The following DTNBP1 variants were observed in gnomAD, a reference collection of about 807,000 sequenced individuals.
DTNBP1 encodes dysbindin.
A neutral mutation model predicts 42.8 loss-of-function variants in DTNBP1; 35 were observed. The observed-to-expected ratio is 0.82, with a 90% CI of 0.63 to 1.09. The LOEUF (loss-of-function observed/expected upper bound fraction) is 1.09. Ranked by LOEUF, DTNBP1 falls within the 50% of genes least tolerant of loss-of-function variation. The probability of loss-of-function intolerance (pLI) is 0.00; values close to 1 mark genes in which losing one functional copy is unlikely to be tolerated. For synonymous variants in DTNBP1, 171 were observed against 162.2 expected (o/e 1.05, Z -0.41); for missense variants, 457 against 424.2 (o/e 1.08, Z -0.68).
intron 7 of DTNBP1, among the ~76,000 whole-genome samples, chr6:15,552,948 A>G (rs1774295071): frequency 6.6e-6 from 1 of 152,238 alleles, no homozygotes; most frequent in Non-Finnish European, 1.5e-5. Flanking sequence ...AATAAGAGTA[A>G]GAGGGTATAA....
chr6:15,589,024 C>T (rs535219848), intron 7 of DTNBP1, among the ~76,000 whole-genome samples: 56 of 152,344 alleles, frequency 3.7e-4, no homozygotes, highest in Middle Eastern at 3.4e-3. Flanking sequence ...CATCATCCAA[C>T]CTGAGTCACT....
At position 15,633,011 on chromosome 6, in the gene DTNBP1, T is replaced by C. The variant is rs902088962; in HGVS notation, c.222+4733A>G. ...CATTTTAAAACAACGTGTGAGTAGA[T>C]TCTCGAATTGCATTTCAAATACAAT... On this transcript the variant is annotated intron_variant, in intron 4 of 9. Transcript: ENST00000344537. Among the ~76,000 whole-genome samples, 6 of 152,218 alleles carry C rather than the reference T, an allele frequency of 3.9e-5. No homozygotes were observed. The East Asian group carries it at 1.2e-3, about 29-fold the overall frequency.
intron 8 of DTNBP1, among the ~76,000 whole-genome samples, chr6:15,532,498 G>A (rs1271409112): frequency 6.6e-6 from 1 of 150,862 alleles, no homozygotes; most frequent in African/African-American, 2.5e-5. Context: ...GTAACATGAA[G>A]AAAAGTTAGA....
chr6:15,533,494 T>A, intron 7 of DTNBP1, 99 bp from the exon 8 acceptor site: 3 of 1,585,526 alleles, frequency 1.9e-6, no homozygotes, highest in Non-Finnish European at 2.6e-6. Flanking sequence ...GTGGATGGAG[T>A]CATGCCGCGT....
chr6:15,530,113 C>G (rs186160479), intron 8 of DTNBP1, among the ~76,000 whole-genome samples: 1 of 152,390 alleles, frequency 6.6e-6, no homozygotes, highest in East Asian at 1.9e-4. Context: ...ACTGCTATTT[C>G]TGATTTAGTG....
intron 3 of DTNBP1, among the ~76,000 whole-genome samples, chr6:15,638,798 A>G (rs866525027): frequency 2.0e-4 from 30 of 152,036 alleles, no homozygotes; most frequent in Middle Eastern, 6.8e-3. Flanking sequence ...AAATAGAAAA[A>G]TCCAAATTCA....
At chr6:15,578,017 C>G (rs545237371) in intron 7 of DTNBP1, among the ~76,000 whole-genome samples, 1 of 152,284 alleles carries the variant, frequency 6.6e-6, no homozygotes, top group Admixed American at 6.5e-5. Context: ...GTGGACAGTA[C>G]GAACAACTGC....
chr6:15,624,602 C>T (rs1759232056), intron 5 of DTNBP1, among the ~76,000 whole-genome samples: 1 of 152,084 alleles, frequency 6.6e-6, no homozygotes, highest in Admixed American at 6.6e-5. Flanking sequence ...GTGAAGCAGC[C>T]TGGAAAATGG....
intron 5 of DTNBP1, among the ~76,000 whole-genome samples, chr6:15,626,866 C>T (rs751098473): frequency 1.5e-4 from 23 of 152,114 alleles, no homozygotes; most frequent in Non-Finnish European, 1.8e-4. Flanking sequence ...ACTGCAGGCA[C>T]GTGCCACCAC....
At chr6:15,574,931 T>C (rs370601144) in intron 7 of DTNBP1, among the ~76,000 whole-genome samples, 3 of 152,346 alleles carry the variant, frequency 2.0e-5, no homozygotes, top group African/African-American at 7.2e-5. Context: ...GTACTAATTT[T>C]TTCTGAACAG....
intron 5 of DTNBP1, among the ~76,000 whole-genome samples, chr6:15,618,820 C>T (rs969731915): frequency 2.0e-5 from 3 of 152,120 alleles, no homozygotes; most frequent in African/African-American, 7.2e-5. Flanking sequence ...GATATGAATT[C>T]AACCTAAGCA....
chr6:15,662,970 C>T lies in DTNBP1; in HGVS notation c.-101G>A. On this transcript the variant is annotated 5_prime_UTR_variant, in exon 1 of 10. Coordinates refer to ENST00000344537, the MANE Select transcript of DTNBP1 (RefSeq NM_032122.5). ...CAACCCCGCGCTGTCACCGCGCGCC[C>T]CGCACTCCCACTACCGGCCCCGCCC... 1 of 1,523,956 alleles carries T rather than the reference C, an allele frequency of 6.6e-7. No individual in the cohort carries two copies. The highest frequency in any genetic ancestry group is 9.0e-7 in the Non-Finnish European group (1 of 1,116,888). 94.4% of individuals were successfully genotyped at this position (1,523,956 alleles called of 1,614,324 possible). A position where few individuals can be genotyped will look rare whatever the true frequency, so the allele number is the denominator to read the frequency against.
chr6:15,638,652 G>C (rs1443577828), intron 3 of DTNBP1, among the ~76,000 whole-genome samples: 1 of 152,132 alleles, frequency 6.6e-6, no homozygotes, highest in African/African-American at 2.4e-5. Flanking sequence ...CCTTAATAAA[G>C]TGATCAAAAT....
chr6:15,592,362 C>T (rs192260418), intron 7 of DTNBP1, among the ~76,000 whole-genome samples: 5 of 152,134 alleles, frequency 3.3e-5, no homozygotes, highest in Admixed American at 6.5e-5. Context: ...TACTTAATTG[C>T]TCATGAGTAA....
chr6:15,524,013 G>C, intron 9 of DTNBP1: 1 of 1,289,164 alleles, frequency 7.8e-7, no homozygotes, highest in Non-Finnish European at 1.0e-6. Context: ...GCCCATATTT[G>C]CTGCATGAAT....
At chr6:15,570,806 A>G (rs541236171) in intron 7 of DTNBP1, among the ~76,000 whole-genome samples, 1 of 152,374 alleles carries the variant, frequency 6.6e-6, no homozygotes, top group African/African-American at 2.4e-5. Flanking sequence ...TATTTGAATA[A>G]TATTTGAATG....
At chr6:15,552,301 C>A (rs1774257838) in intron 7 of DTNBP1, among the ~76,000 whole-genome samples, 3 of 152,226 alleles carry the variant, frequency 2.0e-5, no homozygotes, top group African/African-American at 7.2e-5. Context: ...ACTCCTCCCC[C>A]AAATTCATAC....
chr6:15,624,543 G>A (rs776659411), intron 5 of DTNBP1, among the ~76,000 whole-genome samples: 2 of 152,084 alleles, frequency 1.3e-5, no homozygotes, highest in Non-Finnish European at 2.9e-5. Context: ...TAAATCCTTT[G>A]CCCTTCAATA....
rs1164952713 is a variant in DTNBP1 at position 15,587,373 on chromosome 6, G to C, written c.511+5686C>G. Among the ~76,000 whole-genome samples, 1 of 152,088 alleles carries C rather than the reference G, an allele frequency of 6.6e-6. No homozygotes were observed. The highest frequency in any genetic ancestry group is 2.4e-5 in the African/African-American group (1 of 41,414). On this transcript the variant is annotated intron_variant, in intron 7 of 9. Transcript: ENST00000344537. The surrounding 1 kb of genome is among the most constrained non-coding windows in gnomAD (Gnocchi z 4.1). ...ACCATCCCTATTCAAGTCTCAGTAG[G>C]CTCTTTCCTTTGTTAGAATTGTCAA...
Sources: gnomAD v4.1 joint callset for allele counts (sites outside exome capture counted in the v4.1 genomes callset) on GRCh38, gnomAD v4.1.1 for gene constraint, Gnocchi (gnomAD v3.1) non-coding constraint, MANE v1.5 for transcripts, NCBI Gene and HGNC (gene_info 2026-07-23, HGNC 2026-07-21) for gene names.